Variants in HNRNPF observed in about 807,000 individuals in gnomAD.
HNRNPF encodes the protein HnRNP F protein.
HNRNPF carries 2 observed loss-of-function variants against 26.0 expected under a neutral mutation model. The ratio of observed to expected loss-of-function variants is 0.08; its 90% CI spans 0.03 to 0.24. The LOEUF (loss-of-function observed/expected upper bound fraction) is 0.24. HNRNPF is among the 10% of genes least tolerant of loss of function. HNRNPF has a pLI of 1.00. For missense variants in HNRNPF, 299 were observed against 539.2 expected, an observed-to-expected ratio of 0.55 and a Z score of 4.41; for synonymous variants, 234 against 211.5, an observed-to-expected ratio of 1.11 and a Z score of -0.92.
At chr10:43,408,961 G>A (rs1273694774) in intron 1 of HNRNPF, 170 bp downstream of exon 1, 1 of 152,516 alleles carries the variant, frequency 6.6e-6, no homozygotes, top group East Asian at 1.9e-4. Context: ...GAGCGCACGC[G>A]GCTTTGCCGG....
intron 1 of HNRNPF, among the ~76,000 whole-genome samples, chr10:43,401,875 C>T (rs1838764753): frequency 6.6e-6 from 1 of 152,072 alleles, no homozygotes; most frequent in South Asian, 2.1e-4. Flanking sequence ...AAGCAGCAGG[C>T]CCTGAGCTGA....
At chr10:43,393,816 T>G (rs1838351346) in intron 3 of HNRNPF, among the ~76,000 whole-genome samples, 1 of 152,124 alleles carries the variant, frequency 6.6e-6, no homozygotes, top group Non-Finnish European at 1.5e-5. Context: ...CTTCCTTTTT[T>G]CTCCTGGAAT....
rs371869556 is a variant in HNRNPF, at chr10:43,399,463, A to AG, written c.-246-2874dup. Among the ~76,000 whole-genome samples, 238 of 152,308 alleles carry AG rather than the reference A, an allele frequency of 1.6e-3. 1 individual carries two copies. Among genetic ancestry groups the AG allele is most frequent in the African/African-American group, 5.4e-3 (226 of 41,572 alleles). ...ACAATGTGTGCAGAAGACTTGAGCC[A>AG]GGGGTTGTATTGTGCAACTGCAGCT... is the stretch of plus-strand genomic sequence containing the variant. On this transcript the variant is annotated intron_variant, in intron 1 of 3. Coordinates refer to ENST00000682386, the MANE Select transcript of HNRNPF (RefSeq NM_001098204.2).
intron 1 of HNRNPF, among the ~76,000 whole-genome samples, chr10:43,407,347 G>A (rs1227167692): frequency 4.6e-5 from 7 of 152,076 alleles, no homozygotes; most frequent in African/African-American, 1.4e-4. Flanking sequence ...CTAAAGAGGC[G>A]CGTCAGCTCG....
intron 3 of HNRNPF, among the ~76,000 whole-genome samples, chr10:43,392,229 C>G (rs187720083): frequency 7.8e-4 from 119 of 152,242 alleles, no homozygotes; most frequent in African/African-American, 2.7e-3. Context: ...CATAGTGAAA[C>G]CCTGTCTCTA....
At chr10:43,394,972 C>CA (rs1352044427) in intron 2 of HNRNPF, among the ~76,000 whole-genome samples, 1 of 152,070 alleles carries the variant, frequency 6.6e-6, no homozygotes, top group Non-Finnish European at 1.5e-5. Flanking sequence ...AGGCGTGCAC[C>CA]ACCCCACCCA....
intron 1 of HNRNPF, among the ~76,000 whole-genome samples, chr10:43,403,687 T>A (rs1026267512): frequency 6.6e-6 from 1 of 152,168 alleles, no homozygotes. Flanking sequence ...TGAGAAATGC[T>A]AAGCTGAATT....
chr10:43,406,655 G>T (rs1358143715), intron 1 of HNRNPF, among the ~76,000 whole-genome samples: 1 of 152,176 alleles, frequency 6.6e-6, no homozygotes, highest in Non-Finnish European at 1.5e-5. Context: ...TCACACCATT[G>T]CACTCCAGCC....
intron 1 of HNRNPF, among the ~76,000 whole-genome samples, chr10:43,401,600 AAATAATATCC>A (rs1246099660): frequency 2.0e-5 from 3 of 152,228 alleles, no homozygotes. Flanking sequence ...GAGTAACTGG[AAATAATATCC>A]AAAGAAATGG....
intron 3 of HNRNPF, among the ~76,000 whole-genome samples, chr10:43,390,621 A>G (rs955800722): frequency 2.0e-5 from 3 of 152,158 alleles, no homozygotes; most frequent in African/African-American, 4.8e-5. Flanking sequence ...AGCAAGTATC[A>G]TTTTACATTC....
intron 2 of HNRNPF, among the ~76,000 whole-genome samples, chr10:43,395,469 T>C (rs553752259): frequency 1.3e-5 from 2 of 152,210 alleles, no homozygotes; most frequent in East Asian, 3.8e-4. Flanking sequence ...GCTTGAGTTT[T>C]GGAAATGTGG....
chr10:43,387,704 G>A lies in HNRNPF; in HGVS notation c.181C>T (p.Leu61Phe), dbSNP rs1359605481. The A allele has an allele frequency of 6.2e-7, 1 of 1,613,922 alleles. No individual in the cohort carries two copies. The highest frequency in any genetic ancestry group is 8.5e-7 in the Non-Finnish European group (1 of 1,180,016). ...ATTTTTACATCATCTTCTGATCCAAGTTCAACAAAAGCCTCACCACTCTGC... is the reference window on the plus strand; with the variant it reads ...ATTTTTACATCATCTTCTGATCCAAATTCAACAAAAGCCTCACCACTCTGC... The part of the protein sequence containing the change: ...GRQSGEAFVE[L>F]GSEDDVKMAL... Residue 61 changes from leucine to phenylalanine, a missense_variant, in exon 4 of 4, where the codon CTT becomes TTT. By Grantham distance (22) the Leu-to-Phe change is conservative. This residue lies in a region of HNRNPF where 104 missense variants were observed against 239.0 expected (regional missense o/e 0.44). Transcript: ENST00000682386. The surrounding 1 kb of genome is among the most constrained non-coding windows in gnomAD (Gnocchi z 6.0).
intron 1 of HNRNPF, among the ~76,000 whole-genome samples, chr10:43,400,759 C>T (rs12257917): frequency 0.32 from 48,238 of 152,100 alleles, 9,667 homozygotes; most frequent in African/African-American, 0.58. Context: ...CCAATTCACA[C>T]AACGTGCCAA....
intron 3 of HNRNPF, among the ~76,000 whole-genome samples, chr10:43,388,704 G>C (rs1029750330): frequency 2.6e-5 from 4 of 152,172 alleles, no homozygotes; most frequent in Admixed American, 2.6e-4. Flanking sequence ...AGAGGGCATC[G>C]GGAAGAAAGG....
chr10:43,406,604 G>A (rs1192706873), intron 1 of HNRNPF, among the ~76,000 whole-genome samples: 2 of 152,156 alleles, frequency 1.3e-5, no homozygotes, highest in African/African-American at 4.8e-5. Flanking sequence ...TGAGGTGGGA[G>A]GATCCGTTGA....
chr10:43,398,517 A>T (rs1328413080), intron 1 of HNRNPF, among the ~76,000 whole-genome samples: 2 of 148,208 alleles, frequency 1.3e-5, no homozygotes, highest in African/African-American at 5.0e-5. Context: ...TAATTTTTGT[A>T]TTTTTAGTAG....
chr10:43,395,319 A>T (rs1464031782), intron 2 of HNRNPF, among the ~76,000 whole-genome samples: 3 of 152,160 alleles, frequency 2.0e-5, no homozygotes, highest in Non-Finnish European at 4.4e-5. Flanking sequence ...AGACACTTTC[A>T]GTTTTATTGG....
chr10:43,391,690 TG>T (rs979676904), intron 3 of HNRNPF, among the ~76,000 whole-genome samples: 9 of 152,124 alleles, frequency 5.9e-5, no homozygotes, highest in African/African-American at 1.9e-4. Context: ...AAGCACGTAG[TG>T]GGCCCCTTAC....
chr10:43,403,042 G>C (rs551297119), intron 1 of HNRNPF, among the ~76,000 whole-genome samples: 1 of 152,076 alleles, frequency 6.6e-6, no homozygotes, highest in African/African-American at 2.4e-5. Context: ...ATAGGGTCTT[G>C]CCATCTTGCC....
Sources: gnomAD v4.1 joint callset for allele counts (sites outside exome capture counted in the v4.1 genomes callset) on GRCh38, gnomAD v4.1.1 for gene constraint, gnomAD v4.1.1 regional missense constraint, Gnocchi (gnomAD v3.1) non-coding constraint, MANE v1.5 for transcripts, NCBI Gene and HGNC (gene_info 2026-07-23, HGNC 2026-07-21) for gene names.